Variants in INTS3 observed in about 807,000 individuals in gnomAD.
INTS3 encodes integrator complex subunit 3, also known as SOSS complex subunit A.
Under a neutral mutation model 146.3 loss-of-function variants are expected in INTS3, and 34 were observed. The ratio of observed to expected loss-of-function variants is 0.23; its 90% CI spans 0.18 to 0.31. INTS3 has a LOEUF of 0.31. Ranked by LOEUF, INTS3 falls within the 10% of genes least tolerant of loss-of-function variation. INTS3 has a pLI of 1.00. For synonymous variants in INTS3, 475 were observed against 494.9 expected (o/e 0.96, Z 0.53); for missense variants, 757 against 1,304.2 (o/e 0.58, Z 6.46).
rs541393665 is a variant in INTS3 at position 153,773,750 on chromosome 1, A to G, written c.*480A>G. Reference sequence around the variant, plus strand: ...TCTGAAGGGACGTTTTATAGTCACTATCCACATGCCAGTGTGAAATGGGCA... The same window carrying G: ...TCTGAAGGGACGTTTTATAGTCACTGTCCACATGCCAGTGTGAAATGGGCA... On this transcript the variant is annotated 3_prime_UTR_variant, in exon 30 of 30. Transcript: ENST00000318967. The G allele has an allele frequency of 5.4e-6, 1 of 186,728 alleles. No individual in the cohort carries two copies. Among genetic ancestry groups the G allele is most frequent in the Non-Finnish European group, 1.3e-5 (1 of 78,212 alleles). 11.6% of individuals were successfully genotyped at this position (186,728 alleles called of 1,614,324 possible). A position where few individuals can be genotyped will look rare whatever the true frequency, so the allele number is the denominator to read the frequency against.
intron 2 of INTS3, among the ~76,000 whole-genome samples, chr1:153,741,076 G>C (rs927014204): frequency 4.6e-5 from 7 of 152,088 alleles, no homozygotes; most frequent in African/African-American, 1.7e-4. Context: ...GAGTAGTTGG[G>C]ACTACAGGTG....
chr1:153,769,934 T>C (rs1672750890), intron 23 of INTS3, 90 bp downstream of exon 23: 3 of 995,938 alleles, frequency 3.0e-6, no homozygotes, highest in Non-Finnish European at 4.8e-6. Flanking sequence ...AAGCTGGTTC[T>C]GGGGCTGGGA....
At chr1:153,771,019 G>A (rs548111626) in intron 25 of INTS3, among the ~76,000 whole-genome samples, 122 of 152,162 alleles carry the variant, frequency 8.0e-4, no homozygotes, top group African/African-American at 2.8e-3. Flanking sequence ...ATCCCTGGTG[G>A]CTCCTGCTCC....
At position 153,728,282 on chromosome 1, in the gene INTS3, G is replaced by A. The variant is rs1670931140; in HGVS notation, c.-353G>A. 2 of 389,818 alleles carry A rather than the reference G, an allele frequency of 5.1e-6. No homozygotes were observed. The highest frequency in any genetic ancestry group is 8.9e-5 in the Admixed American group (2 of 22,416). The allele number at this position is 389,818 out of a possible 1,614,324, so 24.1% of individuals were successfully genotyped here. ...ACGGGGAAAAGAGGCAGAAACTTAG[G>A]GGTTTCCCTCCTTTCTTAGGGTCAG... On this transcript the variant is annotated 5_prime_UTR_variant, in exon 1 of 30. Coordinates refer to ENST00000318967, the MANE Select transcript of INTS3 (RefSeq NM_023015.5).
intron 25 of INTS3, among the ~76,000 whole-genome samples, chr1:153,771,376 T>TATGG (rs1672858240): frequency 6.6e-6 from 1 of 152,186 alleles, no homozygotes; most frequent in African/African-American, 2.4e-5. Context: ...TTGGAGGCTG[T>TATGG]ATGGGGCTGT....
At chr1:153,756,444 G>A (rs938653486) in intron 9 of INTS3, among the ~76,000 whole-genome samples, 1 of 151,648 alleles carries the variant, frequency 6.6e-6, no homozygotes, top group African/African-American at 2.4e-5. Context: ...TGTGGTGGGA[G>A]GATTGCTTGA....
intron 21 of INTS3, among the ~76,000 whole-genome samples, chr1:153,768,493 G>T (rs1034940390): frequency 6.6e-6 from 1 of 152,134 alleles, no homozygotes; most frequent in Admixed American, 6.5e-5. Flanking sequence ...CCACCTCTTT[G>T]GCCAAAGGTC....
In INTS3 at chr1:153,728,297, C is replaced by T. The variant is rs1300807843; in HGVS notation, c.-338C>T. ...AGAAACTTAGGGGTTTCCCTCCTTTCTTAGGGTCAGACGCTCTTAGGGTCC... is the reference window on the plus strand; with the variant it reads ...AGAAACTTAGGGGTTTCCCTCCTTTTTTAGGGTCAGACGCTCTTAGGGTCC... On this transcript the variant is annotated 5_prime_UTR_variant, in exon 1 of 30. Transcript: ENST00000318967. 4 of 391,624 alleles carry T rather than the reference C, an allele frequency of 1.0e-5. No homozygotes were observed. In the Admixed American group the frequency reaches 1.3e-4, roughly 13 times the overall value. The allele number at this position is 391,624 out of a possible 1,614,324, so 24.3% of individuals were successfully genotyped here.
At chr1:153,732,183 A>G (rs1457489929) in intron 1 of INTS3, among the ~76,000 whole-genome samples, 2 of 151,674 alleles carry the variant, frequency 1.3e-5, no homozygotes, top group Non-Finnish European at 2.9e-5. Context: ...GATTACAGGC[A>G]TGAGCCACCG....
chr1:153,766,978 G>C (rs1040911175), intron 20 of INTS3: 1 of 152,112 alleles, frequency 6.6e-6, no homozygotes, highest in Admixed American at 6.5e-5. Context: ...CCAAAGCGCT[G>C]GGATTACAGG....
At chr1:153,760,676 T>G in intron 12 of INTS3, 151 bp from the exon 13 acceptor site, 1 of 678,456 alleles carries the variant, frequency 1.5e-6, no homozygotes, top group South Asian at 1.8e-5. Flanking sequence ...CTCATTTGAG[T>G]GGCCTGGAGT....
chr1:153,749,099 G>T (rs1047151343), intron 6 of INTS3, among the ~76,000 whole-genome samples: 1 of 152,134 alleles, frequency 6.6e-6, no homozygotes, highest in Non-Finnish European at 1.5e-5. Context: ...AAACACCCAC[G>T]CCTGGCAGGT....
chr1:153,761,506 G>A, intron 13 of INTS3, 64 bp from the exon 14 acceptor site: 1 of 1,212,870 alleles, frequency 8.2e-7, no homozygotes, highest in Non-Finnish European at 1.2e-6. Flanking sequence ...GTGACACTCT[G>A]TCTCAAAAAA....
At position 153,728,572 on chromosome 1, in the gene INTS3, C is replaced by T; in HGVS notation, c.-63C>T. On this transcript the variant is annotated 5_prime_UTR_variant, in exon 1 of 30. Coordinates refer to ENST00000318967, the MANE Select transcript of INTS3 (RefSeq NM_023015.5). ...CCCCAGTCCCTGGCAATCCAGAGAT[C>T]CCGATATCTAGGACTGTCCATCCAT... 6.6e-7 allele frequency: 1 copy of T among 1,511,450 alleles called. No individual in the cohort carries two copies. The highest frequency in any genetic ancestry group is 8.8e-7 in the Non-Finnish European group (1 of 1,133,576). The allele number at this position is 1,511,450 out of a possible 1,614,324, so 93.6% of individuals were successfully genotyped here.
intron 11 of INTS3, 121 bp from the exon 12 acceptor site, chr1:153,760,190 C>T: frequency 1.5e-6 from 1 of 673,926 alleles, no homozygotes; most frequent in Admixed American, 2.8e-5. Context: ...TGAGATCGTA[C>T]CATTTGCACT....
intron 23 of INTS3, 122 bp from the exon 24 acceptor site, chr1:153,770,076 T>TCAGTGGATGGGGGGGTGGGGGG: frequency 2.3e-6 from 1 of 427,368 alleles, no homozygotes; most frequent in African/African-American, 6.2e-5. Flanking sequence ...TGTGTGTGTG[T>TCAGTGGATGGGGGGGTGGGGGG]GTGTGTGTGT....
intron 22 of INTS3, 103 bp from the exon 23 acceptor site, chr1:153,769,666 A>T: frequency 2.1e-5 from 12 of 571,132 alleles, no homozygotes; most frequent in East Asian, 3.5e-5. Context: ...ACTTCCTCTA[A>T]TTTTTTTTTT....
At chr1:153,762,988 C>G in intron 15 of INTS3, 141 bp downstream of exon 15, 1 of 1,189,806 alleles carries the variant, frequency 8.4e-7, no homozygotes. Context: ...GGATGAGACT[C>G]CAGAATGCAG....
At chr1:153,767,328 T>C in intron 20 of INTS3, 1 of 233,378 alleles carries the variant, frequency 4.3e-6, no homozygotes, top group Non-Finnish European at 8.2e-6. Flanking sequence ...CTGTGAGGTG[T>C]CACTGCCCTC....
Sources: gnomAD v4.1 joint callset for allele counts (sites outside exome capture counted in the v4.1 genomes callset) on GRCh38, gnomAD v4.1.1 for gene constraint, MANE v1.5 for transcripts, NCBI Gene and HGNC (gene_info 2026-07-23, HGNC 2026-07-21) for gene names.